Variants in PCDH15 observed in about 807,000 individuals in gnomAD.
PCDH15 encodes protocadherin-15.
In PCDH15, 129 loss-of-function variants were observed where a neutral mutation model predicts 178.5. That is an observed-to-expected ratio of 0.72 (90% confidence interval 0.63 to 0.84). The LOEUF is 0.84. Ranked by LOEUF, PCDH15 falls within the 40% of genes least tolerant of loss-of-function variation. The pLI is 0.00. For missense variants in PCDH15, 2,230 were observed against 2,099.9 expected (o/e 1.06, Z -1.21); for synonymous variants, 800 against 732.0 (o/e 1.09, Z -1.50).
At chr10:55,188,871 A>G (rs1310789109) in intron 1 of PCDH15, among the ~76,000 whole-genome samples, 3 of 151,900 alleles carry the variant, frequency 2.0e-5, no homozygotes, top group African/African-American at 4.8e-5. Context: ...TTGCTTCCTG[A>G]AGAACTTTTA....
In PCDH15 at chr10:55,466,785, G is replaced by A. The variant is rs561977681; in HGVS notation, c.-156+160840C>T. On this transcript the variant is annotated intron_variant, in intron 2 of 5. Transcript: ENST00000613346. ...AAGAAAACAGTTCCCATTCTCCCCA[G>A]ACCCTTTTTCCACTCTTATTCTCCC... Among the ~76,000 whole-genome samples the A allele has an allele frequency of 5.6e-4, 85 of 152,256 alleles. 1 individual carries two copies. The highest frequency in any genetic ancestry group is 6.8e-3 in the Middle Eastern group (2 of 294).
chr10:54,454,083 CAT>C (rs1167464128), intron 3 of PCDH15, among the ~76,000 whole-genome samples: 1 of 150,110 alleles, frequency 6.7e-6, no homozygotes, highest in African/African-American at 2.4e-5. Context: ...GATTTATAAA[CAT>C]ATAACAGATT....
At chr10:54,095,370 T>A (rs1301005875) in intron 15 of PCDH15, among the ~76,000 whole-genome samples, 1 of 151,964 alleles carries the variant, frequency 6.6e-6, no homozygotes, top group East Asian at 1.9e-4. Context: ...TATAAAATGT[T>A]ATTTTGAAGT....
At chr10:54,279,379 C>T (rs2058539783) in intron 8 of PCDH15, among the ~76,000 whole-genome samples, 1 of 151,526 alleles carries the variant, frequency 6.6e-6, no homozygotes, top group Non-Finnish European at 1.5e-5. Context: ...TGTCTCTCAA[C>T]TCTCCCAATA....
chr10:53,821,428 A>G (rs2132474231), intron 32 of PCDH15: 1 of 1,006,118 alleles, frequency 9.9e-7, no homozygotes, highest in South Asian at 4.1e-5. Flanking sequence ...GAACCTATCA[A>G]TCATATCAGT....
rs114611972 is a variant in PCDH15, at chr10:55,114,549, G to A, written c.-80+52027C>T. Among the ~76,000 whole-genome samples, 296 of 152,294 alleles carry A rather than the reference G, an allele frequency of 1.9e-3. 2 individuals carry two copies. Among genetic ancestry groups the A allele is most frequent in the African/African-American group, 6.4e-3 (267 of 41,556 alleles). On this transcript the variant is annotated intron_variant, in intron 2 of 5. Transcript: ENST00000458638. ...ACGGTCTGGATTTTCCAGCTCCCTT[G>A]TAGCTATGTAAGACAACTATGACTA...
chr10:53,932,131 C>T (rs1564800885), intron 25 of PCDH15, among the ~76,000 whole-genome samples: 2 of 152,210 alleles, frequency 1.3e-5, no homozygotes. Context: ...TGCTTTTCTT[C>T]AGCAACTTCA....
intron 1 of PCDH15, among the ~76,000 whole-genome samples, chr10:54,784,652 G>C (rs949041079): frequency 1.3e-5 from 2 of 149,610 alleles, no homozygotes; most frequent in Non-Finnish European, 2.9e-5. Flanking sequence ...CTAACATCAT[G>C]AAATCATGCA....
intron 2 of PCDH15, among the ~76,000 whole-genome samples, chr10:55,094,939 T>TC (rs1842412475): frequency 6.6e-6 from 1 of 150,678 alleles, no homozygotes; most frequent in Non-Finnish European, 1.5e-5. Flanking sequence ...CTTTTTTTTT[T>TC]TTTTTTTTAT....
In PCDH15 at chr10:54,022,908, G is replaced by A. The variant is rs776536099; in HGVS notation, c.2510C>T (p.Thr837Ile). 7 of 1,613,726 alleles carry A rather than the reference G, an allele frequency of 4.3e-6. No individual in the cohort carries two copies. In the South Asian group the frequency reaches 7.7e-5, roughly 18 times the overall value. The change falls in exon 19 of 38, where the codon ACC becomes ATC. Residue 837 changes from threonine (T) to isoleucine (I), a missense_variant. Coordinates refer to ENST00000644397, the MANE Select transcript of PCDH15 (RefSeq NM_001384140.1). Reference protein sequence around the residue: ...LVEENLPAGTTILQIEAKDVD... With the variant: ...LVEENLPAGTIILQIEAKDVD... ...CCCACACACCTCTATTTGAAGGATG[G>A]TAGTCCCAGCTGGCAAATTCTCTTC...
chr10:54,048,247 C>T (rs773213324), intron 18 of PCDH15, among the ~76,000 whole-genome samples: 5 of 151,696 alleles, frequency 3.3e-5, no homozygotes, highest in Non-Finnish European at 5.9e-5. Flanking sequence ...TTTTAATGGC[C>T]TTATTTCTTT....
At chr10:55,024,154 T>G (rs141886785) in intron 2 of PCDH15, among the ~76,000 whole-genome samples, 131 of 146,300 alleles carry the variant, frequency 9.0e-4, no homozygotes, top group Non-Finnish European at 1.6e-3. Flanking sequence ...GGAATATATA[T>G]AGAGAGAGGA....
At chr10:54,774,440 C>T (rs1397289578) in intron 1 of PCDH15, among the ~76,000 whole-genome samples, 1 of 152,016 alleles carries the variant, frequency 6.6e-6, no homozygotes, top group Non-Finnish European at 1.5e-5. Flanking sequence ...TACTATGTAT[C>T]TACTATATCT....
At chr10:54,688,046 A>C (rs1408083174) in intron 1 of PCDH15, among the ~76,000 whole-genome samples, 4 of 152,036 alleles carry the variant, frequency 2.6e-5, no homozygotes, top group African/African-American at 4.8e-5. Context: ...AACCACAATA[A>C]AATAAAATTA....
intron 2 of PCDH15, among the ~76,000 whole-genome samples, chr10:55,480,022 T>G (rs965244239): frequency 2.3e-5 from 3 of 131,342 alleles, no homozygotes; most frequent in Non-Finnish European, 5.1e-5. Context: ...AATAGTTTCT[T>G]CCAGTCTGTG....
intron 6 of PCDH15, among the ~76,000 whole-genome samples, chr10:54,333,167 C>T (rs543971898): frequency 2.0e-5 from 3 of 152,136 alleles, no homozygotes; most frequent in East Asian, 1.9e-4. Context: ...AGTCTGGTCT[C>T]GAACTCCTGA....
intron 3 of PCDH15, among the ~76,000 whole-genome samples, chr10:54,436,092 AG>A (rs1233825396): frequency 1.4e-5 from 2 of 148,136 alleles, no homozygotes; most frequent in Admixed American, 1.3e-4. Flanking sequence ...GGAGGGAAGG[AG>A]GGAAGGAGGG....
chr10:54,547,800 C>T lies in PCDH15; in HGVS notation c.92-19923G>A, dbSNP rs115790337. On this transcript the variant is annotated intron_variant, in intron 2 of 37. Coordinates refer to ENST00000644397, the MANE Select transcript of PCDH15 (RefSeq NM_001384140.1). ...ATATTTTAGGACATACCCTTAGGAA[C>T]GAACAAAAGTGCTGTGTCATGGGTA... Among the ~76,000 whole-genome samples the T allele has an allele frequency of 3.9e-3, 587 of 151,980 alleles. 3 individuals carry two copies. Among genetic ancestry groups the T allele is most frequent in the African/African-American group, 0.013 (539 of 41,420 alleles).
chr10:55,097,938 A>C (rs2132042379), intron 2 of PCDH15, among the ~76,000 whole-genome samples: 1 of 152,248 alleles, frequency 6.6e-6, no homozygotes, highest in African/African-American at 2.4e-5. Flanking sequence ...TGATTTCAGC[A>C]CTCAACACTA....
Sources: gnomAD v4.1 joint callset for allele counts (sites outside exome capture counted in the v4.1 genomes callset) on GRCh38, gnomAD v4.1.1 for gene constraint, MANE v1.5 for transcripts, NCBI Gene and HGNC (gene_info 2026-07-23, HGNC 2026-07-21) for gene names.